GRIA4: variants seen among roughly 807,000 people sequenced by gnomAD.
The protein encoded by GRIA4 is glutamate ionotropic receptor AMPA type subunit 4, also known as glutamate receptor 4.
A neutral mutation model predicts 104.0 loss-of-function variants in GRIA4; 34 were observed. The observed-to-expected ratio is 0.33, with a 90% confidence interval of 0.25 to 0.44. The LOEUF (loss-of-function observed/expected upper bound fraction) is 0.44. GRIA4 is among the 20% of genes least tolerant of loss of function. GRIA4 has a pLI of 1.00. For synonymous variants in GRIA4, 386 were observed against 381.9 expected (o/e 1.01, Z -0.13); for missense variants, 750 against 1,096.5 (o/e 0.68, Z 4.46).
chr11:105,939,242 T>G (rs1948125983), intron 14 of GRIA4, among the ~76,000 whole-genome samples: 1 of 152,162 alleles, frequency 6.6e-6, no homozygotes, highest in African/African-American at 2.4e-5. Flanking sequence ...GCAGCCTGAG[T>G]AGGTAACACC....
At chr11:105,967,951 C>A (rs970315192) in intron 14 of GRIA4, among the ~76,000 whole-genome samples, 3 of 152,130 alleles carry the variant, frequency 2.0e-5, no homozygotes, top group South Asian at 2.1e-4. Context: ...TCCCATTTGG[C>A]CTGATCTTCA....
At chr11:105,715,701 G>A (rs962017483) in intron 3 of GRIA4, among the ~76,000 whole-genome samples, 1 of 152,136 alleles carries the variant, frequency 6.6e-6, no homozygotes, top group East Asian at 1.9e-4. Flanking sequence ...AAGAATTAAG[G>A]ATGATTAAAG....
intron 3 of GRIA4, among the ~76,000 whole-genome samples, chr11:105,722,384 T>C (rs147198866): frequency 2.6e-4 from 40 of 152,280 alleles, no homozygotes; most frequent in African/African-American, 9.4e-4. Context: ...AATGGGGTTA[T>C]TGGAGTAGTA....
chr11:105,875,686 C>G (rs1445979970), intron 5 of GRIA4, among the ~76,000 whole-genome samples: 1 of 151,996 alleles, frequency 6.6e-6, no homozygotes, highest in Non-Finnish European at 1.5e-5. Flanking sequence ...TCTCGATGTT[C>G]TAGTTTATTT....
chr11:105,623,765 T>A lies in GRIA4; in HGVS notation c.247+11331T>A, dbSNP rs1028325322. Among the ~76,000 whole-genome samples the A allele has an allele frequency of 2.6e-5, 4 of 151,806 alleles. No individual in the cohort carries two copies. In the East Asian group the frequency reaches 5.8e-4, roughly 22 times the overall value. On this transcript the variant is annotated intron_variant, in intron 3 of 16. Transcript: ENST00000282499. ...TATCACATTGCCAACCTAATGATCA[T>A]CTTTTTTTTATCACAATCTGTAACT...
intron 3 of GRIA4, among the ~76,000 whole-genome samples, chr11:105,746,405 T>C (rs1939659052): frequency 6.6e-6 from 1 of 151,274 alleles, no homozygotes; most frequent in Non-Finnish European, 1.5e-5. Context: ...GTTATGAAAA[T>C]TCAGGTTTGG....
intron 3 of GRIA4, among the ~76,000 whole-genome samples, chr11:105,615,785 T>C (rs2135253532): frequency 6.6e-6 from 1 of 151,674 alleles, no homozygotes; most frequent in East Asian, 1.9e-4. Context: ...TTTTCTCATA[T>C]TTTTTCAATA....
chr11:105,723,460 C>A (rs1437965170), intron 3 of GRIA4, among the ~76,000 whole-genome samples: 6 of 151,966 alleles, frequency 3.9e-5, no homozygotes, highest in Middle Eastern at 3.4e-3. Flanking sequence ...AACGATTGGT[C>A]AGCATTTATG....
chr11:105,633,958 C>T lies in GRIA4; in HGVS notation c.247+21524C>T, dbSNP rs532946683. Reference sequence around the variant, plus strand: ...TTCTTCCACTTCCCAGATACCAAGACATTAGGCGGGTTACTCAATCTTCCT... The same window carrying T: ...TTCTTCCACTTCCCAGATACCAAGATATTAGGCGGGTTACTCAATCTTCCT... On this transcript the variant is annotated intron_variant, in intron 3 of 16. Coordinates refer to ENST00000282499, the MANE Select transcript of GRIA4 (RefSeq NM_000829.4). Among the ~76,000 whole-genome samples the T allele has an allele frequency of 2.0e-4, 30 of 152,266 alleles. No homozygotes were observed. In the South Asian group the frequency reaches 5.8e-3, roughly 29 times the overall value.
intron 4 of GRIA4, among the ~76,000 whole-genome samples, chr11:105,809,473 C>T (rs902978320): frequency 7.2e-5 from 11 of 152,162 alleles, no homozygotes; most frequent in African/African-American, 2.7e-4. Context: ...CCACTCAAAT[C>T]TCATCTCGAA....
intron 2 of GRIA4, 35 bp downstream of exon 2, chr11:105,611,120 G>T (rs923008174): frequency 1.1e-5 from 16 of 1,445,952 alleles, no homozygotes; most frequent in Admixed American, 8.4e-5. Context: ...GCATGTGGCT[G>T]GTTGTAGCAG....
chr11:105,710,548 T>C (rs552589165), intron 3 of GRIA4, among the ~76,000 whole-genome samples: 37 of 152,292 alleles, frequency 2.4e-4, no homozygotes, highest in Admixed American at 1.2e-3. Flanking sequence ...ATGTTAGGCA[T>C]ACATTTAGAT....
intron 4 of GRIA4, among the ~76,000 whole-genome samples, chr11:105,833,465 A>G (rs1944058080): frequency 6.6e-6 from 1 of 152,018 alleles, no homozygotes; most frequent in South Asian, 2.1e-4. Flanking sequence ...ACAGACAGAT[A>G]CAGATGGTAG....
At chr11:105,782,216 A>G (rs1245195174) in intron 4 of GRIA4, among the ~76,000 whole-genome samples, 1 of 152,200 alleles carries the variant, frequency 6.6e-6, no homozygotes. Context: ...TGTTCTAGAT[A>G]TTTACTAATG....
Position 105,673,160 on chromosome 11 carries a change from C to T in GRIA4, c.247+60726C>T, listed in dbSNP as rs756156117. Among the ~76,000 whole-genome samples, 50 of 152,216 alleles carry T rather than the reference C, an allele frequency of 3.3e-4. 1 individual carries two copies. Among genetic ancestry groups the T allele is most frequent in the Non-Finnish European group, 5.7e-4 (39 of 67,994 alleles). On this transcript the variant is annotated intron_variant, in intron 3 of 16. Transcript: ENST00000282499. ...ACTTACCTCCACCCACCCAAGTTCT[C>T]ATTCATGTTCTCATATCTGAATGCA... is the stretch of plus-strand genomic sequence containing the variant.
intron 6 of GRIA4, among the ~76,000 whole-genome samples, chr11:105,892,852 C>G (rs550293090): frequency 4.2e-4 from 64 of 152,164 alleles, no homozygotes; most frequent in African/African-American, 1.4e-3. Flanking sequence ...ATTAATTGCA[C>G]CAGAGCTATC....
At chr11:105,878,882 C>A (rs1033761160) in intron 5 of GRIA4, among the ~76,000 whole-genome samples, 1 of 152,184 alleles carries the variant, frequency 6.6e-6, no homozygotes, top group Non-Finnish European at 1.5e-5. Flanking sequence ...CTTCAGCCCC[C>A]CTTTCCAGAG....
intron 4 of GRIA4, among the ~76,000 whole-genome samples, chr11:105,765,288 C>T (rs1357969353): frequency 6.6e-6 from 1 of 152,046 alleles, no homozygotes; most frequent in African/African-American, 2.4e-5. Context: ...ACTCCTATTC[C>T]AAACTATAAT....
At chr11:105,970,883 GA>G (rs2136282924) in intron 14 of GRIA4, among the ~76,000 whole-genome samples, 2 of 152,262 alleles carry the variant, frequency 1.3e-5, no homozygotes, top group Admixed American at 1.3e-4. Flanking sequence ...ATATGGGAGT[GA>G]AAACGGAAAG....
Sources: gnomAD v4.1 joint callset for allele counts (sites outside exome capture counted in the v4.1 genomes callset) on GRCh38, gnomAD v4.1.1 for gene constraint, MANE v1.5 for transcripts, NCBI Gene and HGNC (gene_info 2026-07-23, HGNC 2026-07-21) for gene names.